Variants in ENAH observed in about 807,000 individuals in gnomAD.
The protein encoded by ENAH is ENAH actin regulator.
In ENAH, 23 loss-of-function variants were observed where a neutral mutation model predicts 78.7. The ratio of observed to expected loss-of-function variants is 0.29; its 90% confidence interval spans 0.21 to 0.41. The LOEUF is 0.41. Ranked by LOEUF, ENAH falls within the 10% of genes least tolerant of loss-of-function variation. The pLI is 1.00. For missense variants in ENAH, 544 were observed against 691.0 expected (o/e 0.79, Z 2.39); for synonymous variants, 226 against 241.0 (o/e 0.94, Z 0.58).
chr1:225,501,075 A>G lies in ENAH; in HGVS notation c.1539-5T>C, dbSNP rs549115974. ...GATAAGGGTGTGGATTTTGGTCTGT[A>G]TAAATGAGATTTCCAGGACAGGTAA... is the stretch of plus-strand genomic sequence containing the variant. On this transcript the variant is annotated splice_region_variant and splice_polypyrimidine_tract_variant and intron_variant, in intron 11 of 13. Coordinates refer to ENST00000366843, the MANE Select transcript of ENAH (RefSeq NM_018212.6). 8.7e-6 allele frequency: 14 copies of G among 1,611,778 alleles called. No homozygotes were observed. The highest frequency in any genetic ancestry group is 1.2e-5 in the Non-Finnish European group (14 of 1,178,298).
rs1354924970 is a variant in ENAH, at chr1:225,494,661, G to C, written c.*3114C>G. ...TTTGTATACATTACTTAGTATTCAC[G>C]ACTTCTATGAAATCTGTAAAGAATA... On this transcript the variant is annotated 3_prime_UTR_variant, in exon 14 of 14. Transcript: ENST00000366843. 6.6e-6 allele frequency: 1 copy of C among 152,210 alleles called. No individual in the cohort carries two copies. The highest frequency in any genetic ancestry group is 6.5e-5 in the Admixed American group (1 of 15,292). 9.4% of individuals were successfully genotyped at this position (152,210 alleles called of 1,614,324 possible). A position where few individuals can be genotyped will look rare whatever the true frequency, so the allele number is the denominator to read the frequency against.
chr1:225,653,646 G>T (rs1241861794), upstream of ENAH, among the ~76,000 whole-genome samples: 2 of 152,086 alleles, frequency 1.3e-5, no homozygotes, highest in Non-Finnish European at 2.9e-5. The surrounding 1 kb of genome is among the most constrained non-coding windows in gnomAD (Gnocchi z 4.3). Context: ...CACAGGGCCG[G>T]GCCAGGAGAC....
At chr1:225,546,526 G>A (rs914750329) in intron 3 of ENAH, among the ~76,000 whole-genome samples, 3 of 152,112 alleles carry the variant, frequency 2.0e-5, no homozygotes. Context: ...TCCATGGTAG[G>A]TAAAGAATAC....
chr1:225,551,554 G>A (rs975972018), intron 3 of ENAH, among the ~76,000 whole-genome samples: 4 of 151,894 alleles, frequency 2.6e-5, no homozygotes, highest in African/African-American at 7.3e-5. Context: ...CAGTGGTTGC[G>A]GATCCGGAAC....
intron 3 of ENAH, 116 bp downstream of exon 3, chr1:225,554,790 C>A: frequency 1.2e-6 from 1 of 868,218 alleles, no homozygotes; most frequent in Non-Finnish European, 1.6e-6. Flanking sequence ...TAAAAGTTAA[C>A]AAACATTTGT....
At chr1:225,625,670 C>G (rs548167946) in intron 1 of ENAH, among the ~76,000 whole-genome samples, 1 of 152,130 alleles carries the variant, frequency 6.6e-6, no homozygotes, top group Admixed American at 6.6e-5. Context: ...CATGTGCCAA[C>G]GTGCCCGGCT....
chr1:225,639,705 AACACACACACAC>A (rs374646635), intron 1 of ENAH, among the ~76,000 whole-genome samples: 151 of 138,632 alleles, frequency 1.1e-3, no homozygotes, highest in Admixed American at 2.9e-3. Context: ...GGCGGGATTA[AACACACACACAC>A]ACACACACAC....
At chr1:225,581,417 C>T (rs773500717) in intron 1 of ENAH, 1 of 332,956 alleles carries the variant, frequency 3.0e-6, no homozygotes, top group Non-Finnish European at 4.3e-6. Context: ...GAAATAAAAA[C>T]GGGATGAAAG....
chr1:225,567,109 G>T, intron 2 of ENAH, 140 bp downstream of exon 2: 3 of 874,300 alleles, frequency 3.4e-6, no homozygotes, highest in Non-Finnish European at 5.1e-6. Context: ...TAGAAAGGGT[G>T]GAGAGACAAT....
intron 1 of ENAH, among the ~76,000 whole-genome samples, chr1:225,638,773 A>G (rs571376403): frequency 6.6e-6 from 1 of 152,358 alleles, no homozygotes; most frequent in East Asian, 1.9e-4. Flanking sequence ...TTGCATAGGA[A>G]TAATAGACCA....
At chr1:225,635,590 C>A (rs1659912925) in intron 1 of ENAH, among the ~76,000 whole-genome samples, 1 of 152,162 alleles carries the variant, frequency 6.6e-6, no homozygotes, top group African/African-American at 2.4e-5. Flanking sequence ...GTGGTCCATA[C>A]TCAAAGAGGA....
intron 1 of ENAH, among the ~76,000 whole-genome samples, chr1:225,616,066 A>G (rs962548315): frequency 2.6e-5 from 4 of 152,284 alleles, no homozygotes; most frequent in Admixed American, 6.5e-5. Flanking sequence ...TGCTGTGTCC[A>G]CTCAGGGTTA....
intron 6 of ENAH, among the ~76,000 whole-genome samples, chr1:225,515,834 T>G (rs2096413273): frequency 6.6e-6 from 1 of 152,206 alleles, no homozygotes; most frequent in Admixed American, 6.5e-5. Context: ...TAGGGGTTGT[T>G]AAGAGTTCTG....
At position 225,519,189 on chromosome 1, in the gene ENAH, A is replaced by C. The variant is rs1409870240; in HGVS notation, c.802+9T>G. ...TACAAGAACACAGAAGAGTTTGTAA[A>C]CTTCTTACCAGCACTTGATATTCTG... On this transcript the variant is annotated intron_variant, in intron 5 of 13. Coordinates refer to ENST00000366843, the MANE Select transcript of ENAH (RefSeq NM_018212.6). 1 of 1,611,634 alleles carries C rather than the reference A, an allele frequency of 6.2e-7. No homozygotes were observed. The highest frequency in any genetic ancestry group is 8.5e-7 in the Non-Finnish European group (1 of 1,178,080).
Position 225,514,730 on chromosome 1 carries a change from G to A in ENAH, c.1084C>T (p.Pro362Ser). Residue 362 changes from proline to serine, a missense_variant, in exon 7 of 14, where the codon CCT (proline) becomes TCT (serine). Physicochemically the swap from Pro to Ser is moderately conservative, Grantham distance 74. Around this residue, in one of 4 missense-constraint regions of ENAH, gnomAD observed 366 missense variants for 396.1 expected, o/e 0.92. Coordinates refer to ENST00000366843, the MANE Select transcript of ENAH (RefSeq NM_018212.6). ...GGGGCAGGAGGTGGTGGAGGAGGAG[G>A]GGGTACTTGATTAGGGAGAGGAGGG... Reference protein sequence around the residue: ...PPPPLPNQVPPPPPPPPAPPL... With the variant: ...PPPPLPNQVPSPPPPPPAPPL... 1 of 1,524,562 alleles carries A rather than the reference G, an allele frequency of 6.6e-7. No homozygotes were observed. The highest frequency in any genetic ancestry group is 9.0e-7 in the Non-Finnish European group (1 of 1,112,184). 94.4% of individuals were successfully genotyped at this position (1,524,562 alleles called of 1,614,324 possible). A position where few individuals can be genotyped will look rare whatever the true frequency, so the allele number is the denominator to read the frequency against.
At chr1:225,651,376 AAC>A (rs1662971180) in intron 1 of ENAH, among the ~76,000 whole-genome samples, 1 of 152,166 alleles carries the variant, frequency 6.6e-6, no homozygotes, top group African/African-American at 2.4e-5. Flanking sequence ...GCAAAATGGA[AAC>A]ACGTTTAACC....
intron 1 of ENAH, among the ~76,000 whole-genome samples, chr1:225,648,316 A>G (rs189914103): frequency 6.3e-4 from 96 of 152,194 alleles, no homozygotes; most frequent in African/African-American, 2.2e-3. Context: ...TCTTTCTTAC[A>G]CTCATGATAC....
intron 2 of ENAH, among the ~76,000 whole-genome samples, chr1:225,565,237 A>T (rs1238906733): frequency 6.6e-6 from 1 of 152,078 alleles, no homozygotes; most frequent in Non-Finnish European, 1.5e-5. Flanking sequence ...GGAGTTCAAA[A>T]CCAGCCTGAC....
chr1:225,543,704 C>T (rs539830989), intron 3 of ENAH, among the ~76,000 whole-genome samples: 60 of 152,274 alleles, frequency 3.9e-4, no homozygotes, highest in South Asian at 2.3e-3. Flanking sequence ...AGTACCTTAA[C>T]AGGAATACAA....
Sources: gnomAD v4.1 joint callset for allele counts (sites outside exome capture counted in the v4.1 genomes callset) on GRCh38, gnomAD v4.1.1 for gene constraint, gnomAD v4.1.1 regional missense constraint, Gnocchi (gnomAD v3.1) non-coding constraint, MANE v1.5 for transcripts, NCBI Gene and HGNC (gene_info 2026-07-23, HGNC 2026-07-21) for gene names.